Variants in PDE3A observed in about 807,000 individuals in gnomAD.
The protein encoded by PDE3A is cGMP-inhibited 3',5'-cyclic phosphodiesterase 3A.
Under a neutral mutation model 98.3 loss-of-function variants are expected in PDE3A, and 43 were observed. The observed-to-expected ratio is 0.44, with a 90% CI of 0.34 to 0.56. PDE3A has a LOEUF of 0.56. Among genes scored for constraint, PDE3A ranks in the 20% least tolerant of loss-of-function variants. The pLI is 0.01. For synonymous variants in PDE3A, 663 were observed against 567.9 expected, an observed-to-expected ratio of 1.17 and a Z score of -2.38; for missense variants, 1,427 against 1,440.7, an observed-to-expected ratio of 0.99 and a Z score of 0.15.
At chr12:20,668,831 G>T (rs879883500) in intron 15 of PDE3A, among the ~76,000 whole-genome samples, 2 of 151,464 alleles carry the variant, frequency 1.3e-5, no homozygotes, top group African/African-American at 4.9e-5. Flanking sequence ...CACCAGCAAC[G>T]GAACAAAGCT....
chr12:20,450,096 G>A (rs1945038349), intron 1 of PDE3A: 1 of 522,182 alleles, frequency 1.9e-6, no homozygotes, highest in South Asian at 2.6e-5. Flanking sequence ...TGCCGTCTTG[G>A]ATTTGATGCT....
intron 1 of PDE3A, among the ~76,000 whole-genome samples, chr12:20,433,715 A>G (rs1165517838): frequency 2.0e-5 from 3 of 152,204 alleles, no homozygotes; most frequent in African/African-American, 7.2e-5. Flanking sequence ...TAGGAAGAGC[A>G]TGTACTGCTG....
chr12:20,386,068 AT>A (rs1565532440), intron 1 of PDE3A, among the ~76,000 whole-genome samples: 3 of 28,560 alleles, frequency 1.1e-4, no homozygotes, highest in Non-Finnish European at 1.3e-4. Flanking sequence ...ATAAATATAT[AT>A]AAAATATATA....
At chr12:20,641,640 C>T (rs543145351) in intron 10 of PDE3A, among the ~76,000 whole-genome samples, 2 of 152,224 alleles carry the variant, frequency 1.3e-5, no homozygotes, top group African/African-American at 4.8e-5. Flanking sequence ...TAACTACCAA[C>T]TTTTTCACAG....
chr12:20,658,116 T>C (rs1945083376), intron 15 of PDE3A, among the ~76,000 whole-genome samples: 2 of 152,256 alleles, frequency 1.3e-5, no homozygotes, highest in Admixed American at 1.3e-4. Flanking sequence ...GAGTAATTTT[T>C]AATTTGCTTT....
intron 1 of PDE3A, among the ~76,000 whole-genome samples, chr12:20,529,481 A>G (rs1421550790): frequency 6.6e-6 from 1 of 152,154 alleles, no homozygotes; most frequent in Non-Finnish European, 1.5e-5. Flanking sequence ...TGCAGAGGTA[A>G]CCAAGTTAAA....
intron 10 of PDE3A, among the ~76,000 whole-genome samples, chr12:20,640,320 T>C (rs971085972): frequency 4.6e-5 from 7 of 152,168 alleles, no homozygotes; most frequent in African/African-American, 7.2e-5. Context: ...TTAATATGGC[T>C]ATTTTTTGGA....
intron 1 of PDE3A, among the ~76,000 whole-genome samples, chr12:20,524,664 A>G (rs1271979060): frequency 6.6e-6 from 1 of 151,788 alleles, no homozygotes; most frequent in Non-Finnish European, 1.5e-5. Context: ...TATCTTATGT[A>G]TGTTATTTTT....
At chr12:20,548,006 G>A (rs1942099426) in intron 1 of PDE3A, among the ~76,000 whole-genome samples, 1 of 152,002 alleles carries the variant, frequency 6.6e-6, no homozygotes. Context: ...TAAGTACTGT[G>A]TAACATACTG....
At chr12:20,664,289 T>A (rs911444163) in intron 15 of PDE3A, among the ~76,000 whole-genome samples, 3 of 152,114 alleles carry the variant, frequency 2.0e-5, no homozygotes, top group Non-Finnish European at 4.4e-5. Context: ...AATGGGAGGA[T>A]CTTAGCTGAA....
At position 20,621,416 on chromosome 12, in the gene PDE3A, G is replaced by GT; in HGVS notation, c.1540+6dup. The stretch of plus-strand genomic sequence containing the variant: ...CTAAAAAGCAAAGTCGACCAGGTAA[G>GT]TAACTTAACTGGAGAAGGGTTCATA... On this transcript the variant is annotated splice_donor_region_variant and intron_variant, in intron 5 of 15. Transcript: ENST00000359062. 8 of 1,471,924 alleles carry GT rather than the reference G, an allele frequency of 5.4e-6. No homozygotes were observed. Among genetic ancestry groups the GT allele is most frequent in the Non-Finnish European group, 7.6e-6 (8 of 1,050,446 alleles). 91.2% of individuals were successfully genotyped at this position (1,471,924 alleles called of 1,614,324 possible).
At position 20,642,042 on chromosome 12, in the gene PDE3A, T is replaced by C. The variant is rs1287763533; in HGVS notation, c.2251+2085T>C. Among the ~76,000 whole-genome samples, 5 of 152,160 alleles carry C rather than the reference T, an allele frequency of 3.3e-5. No individual in the cohort carries two copies. In the East Asian group the frequency reaches 9.6e-4, roughly 29 times the overall value. ...AATCAGCACATACAAAAATTTGCTG[T>C]ATACCTACTTGTTTTAATATTTATT... On this transcript the variant is annotated intron_variant, in intron 10 of 15. Coordinates refer to ENST00000359062, the MANE Select transcript of PDE3A (RefSeq NM_000921.5).
intron 2 of PDE3A, among the ~76,000 whole-genome samples, chr12:20,609,862 C>T (rs767045167): frequency 1.3e-5 from 2 of 151,844 alleles, no homozygotes; most frequent in African/African-American, 2.4e-5. Context: ...AGAATGAAAT[C>T]GTATGTTTAT....
rs1944605508 is a variant in PDE3A at position 20,639,858 on chromosome 12, C to A, written c.2152C>A (p.Leu718Ile). Reference protein sequence around the residue: ...GRILSQVSYRLFEDMGLFEAF... With the variant: ...GRILSQVSYRIFEDMGLFEAF... ...TCTTCTTTTACAGGTATCTTACAGA[C>A]TTTTTGAAGACATGGGCCTCTTTGA... Residue 718 changes from leucine (L) to isoleucine (I), a missense_variant, in exon 10 of 16, where the codon CTT becomes ATT. Coordinates refer to ENST00000359062, the MANE Select transcript of PDE3A (RefSeq NM_000921.5). 1.3e-6 allele frequency: 2 copies of A among 1,523,792 alleles called. No homozygotes were observed. Among genetic ancestry groups the A allele is most frequent in the African/African-American group, 1.4e-5 (1 of 73,062 alleles). 94.4% of individuals were successfully genotyped at this position (1,523,792 alleles called of 1,614,324 possible).
At position 20,681,319 on chromosome 12, in the gene PDE3A, A is replaced by C. The variant is rs1015681511; in HGVS notation, c.*1048A>C. The stretch of plus-strand genomic sequence containing the variant: ...TTTATACCTAAACACCTAAGAGCTG[A>C]AGTCAGGTCTTTTAATCAGGTTAGA... On this transcript the variant is annotated 3_prime_UTR_variant, in exon 16 of 16. Transcript: ENST00000359062. 2.0e-5 allele frequency: 3 copies of C among 152,212 alleles called. No homozygotes were observed. Among genetic ancestry groups the C allele is most frequent in the Non-Finnish European group, 2.9e-5 (2 of 68,046 alleles). The allele number at this position is 152,212 out of a possible 1,614,324, so 9.4% of individuals were successfully genotyped here.
At chr12:20,412,386 G>A (rs1043433557) in intron 1 of PDE3A, among the ~76,000 whole-genome samples, 15 of 152,170 alleles carry the variant, frequency 9.9e-5, no homozygotes, top group Non-Finnish European at 2.9e-5. Context: ...TTTAATGTGT[G>A]AAAATATTTA....
chr12:20,432,604 G>A (rs1049574337), intron 1 of PDE3A, among the ~76,000 whole-genome samples: 7 of 151,970 alleles, frequency 4.6e-5, no homozygotes, highest in South Asian at 2.1e-4. Flanking sequence ...TTTGCATGTC[G>A]ATCATACCTT....
chr12:20,649,470 GTTTGA>G (rs1944865450), intron 13 of PDE3A, among the ~76,000 whole-genome samples: 1 of 152,026 alleles, frequency 6.6e-6, no homozygotes, highest in Non-Finnish European at 1.5e-5. Context: ...TGTGGTTTTT[GTTTGA>G]TTTAATTTGT....
intron 1 of PDE3A, among the ~76,000 whole-genome samples, chr12:20,420,797 G>T (rs1197520238): frequency 6.6e-6 from 1 of 152,316 alleles, no homozygotes; most frequent in Non-Finnish European, 1.5e-5. Flanking sequence ...GGGTTAAGGT[G>T]TAGTCCATTT....
Sources: gnomAD v4.1 joint callset for allele counts (sites outside exome capture counted in the v4.1 genomes callset) on GRCh38, gnomAD v4.1.1 for gene constraint, MANE v1.5 for transcripts, NCBI Gene and HGNC (gene_info 2026-07-23, HGNC 2026-07-21) for gene names.